The following BCAS3 variants were observed in gnomAD, a reference collection of about 807,000 sequenced individuals.
BCAS3 encodes the protein BCAS4/BCAS3 fusion.
BCAS3 carries 53 observed loss-of-function variants against 116.1 expected under a neutral mutation model. The observed-to-expected ratio is 0.46, with a 90% CI of 0.37 to 0.57. The LOEUF (loss-of-function observed/expected upper bound fraction) is 0.57. BCAS3 is among the 20% of genes least tolerant of loss of function. The pLI is 0.00. For synonymous variants in BCAS3, 391 were observed against 408.2 expected (o/e 0.96, Z 0.51); for missense variants, 917 against 1,165.4 (o/e 0.79, Z 3.10).
rs748676282 is a variant in BCAS3, at chr17:60,992,230, A to ACACACACACACACT, written c.1486+1996_1486+1997insACACACACACACTC. Among the ~76,000 whole-genome samples the ACACACACACACACT allele has an allele frequency of 5.5e-3, 808 of 147,112 alleles. 9 individuals carry two copies. Among genetic ancestry groups the ACACACACACACACT allele is most frequent in the African/African-American group, 0.02 (769 of 38,730 alleles). On this transcript the variant is annotated intron_variant, in intron 15 of 23. Coordinates refer to ENST00000407086, the MANE Select transcript of BCAS3 (RefSeq NM_017679.5). ...CACACACACACACACACACACACAC[A>ACACACACACACACT]CTCTGTAGGAAGCTTAAAGATAGAC...
rs1427118174 is a variant in BCAS3, at chr17:61,244,239, A to G, written c.2426-124088A>G. Among the ~76,000 whole-genome samples, 1 of 152,226 alleles carries G rather than the reference A, an allele frequency of 6.6e-6. No individual in the cohort carries two copies. Among genetic ancestry groups the G allele is most frequent in the Admixed American group, 6.5e-5 (1 of 15,274 alleles). Reference sequence around the variant, plus strand: ...ATTTCCTTACCTACAGTTAACAACTATTAACATTATGGTATTTATTAAGAT... The same window carrying G: ...ATTTCCTTACCTACAGTTAACAACTGTTAACATTATGGTATTTATTAAGAT... On this transcript the variant is annotated intron_variant, in intron 22 of 23. Transcript: ENST00000407086. The surrounding 1 kb of genome is among the most constrained non-coding windows in gnomAD (Gnocchi z 4.9).
intron 22 of BCAS3, among the ~76,000 whole-genome samples, chr17:61,236,054 A>T (rs1031622252): frequency 6.6e-6 from 1 of 152,218 alleles, no homozygotes; most frequent in African/African-American, 2.4e-5. Context: ...TTGCAGCTGG[A>T]TCTTCGTTTG....
intron 22 of BCAS3, among the ~76,000 whole-genome samples, chr17:61,187,957 A>AT (rs903635555): frequency 2.0e-5 from 3 of 151,674 alleles, no homozygotes; most frequent in Non-Finnish European, 4.4e-5. Context: ...TCATTAAGGT[A>AT]TTTTTTTTCT....
chr17:60,825,708 T>C (rs1359593101), intron 7 of BCAS3, among the ~76,000 whole-genome samples: 1 of 151,618 alleles, frequency 6.6e-6, no homozygotes, highest in African/African-American at 2.4e-5. Flanking sequence ...TGTCCTCACA[T>C]GGTGGAAGGG....
intron 7 of BCAS3, among the ~76,000 whole-genome samples, chr17:60,820,642 A>G (rs189882382): frequency 6.6e-6 from 1 of 152,338 alleles, no homozygotes; most frequent in African/African-American, 2.4e-5. Context: ...AGTTGTTTTA[A>G]TGCTAATTAA....
chr17:61,322,728 A>G (rs926598572), intron 22 of BCAS3, among the ~76,000 whole-genome samples: 4 of 152,000 alleles, frequency 2.6e-5, no homozygotes, highest in African/African-American at 9.7e-5. Context: ...AAAATTTGGC[A>G]GAAGTAAGCC....
In BCAS3 at chr17:61,186,886, A is replaced by G. The variant is rs1290567751; in HGVS notation, c.2425+102322A>G. The stretch of plus-strand genomic sequence containing the variant: ...CCACCATGTCCAGCTAATTTTTTGT[A>G]TTTTTAATAGAGACAGGGTTTCACC... On this transcript the variant is annotated intron_variant, in intron 22 of 23. Coordinates refer to ENST00000407086, the MANE Select transcript of BCAS3 (RefSeq NM_017679.5). This position sits in a 1 kb window ranked among gnomAD's most constrained non-coding sequence, Gnocchi z 4.9. 6.6e-6 allele frequency among the ~76,000 whole-genome samples: 1 copy of G among 151,956 alleles called. No individual in the cohort carries two copies. The highest frequency in any genetic ancestry group is 6.6e-5 in the Admixed American group (1 of 15,252).
intron 22 of BCAS3, among the ~76,000 whole-genome samples, chr17:61,085,010 T>C (rs1481301406): frequency 2.0e-5 from 3 of 152,220 alleles, no homozygotes; most frequent in African/African-American, 7.2e-5. Flanking sequence ...GCATCAAGTT[T>C]AAAAATTCAT....
chr17:61,386,964 C>T (rs1358937971), intron 23 of BCAS3, among the ~76,000 whole-genome samples: 2 of 152,170 alleles, frequency 1.3e-5, no homozygotes, highest in South Asian at 2.1e-4. Flanking sequence ...TTTTTGGACA[C>T]GGTTTTGCTG....
rs903443345 is a variant in BCAS3, at chr17:61,324,845, C to CA, written c.2426-43476dup. Among the ~76,000 whole-genome samples, 97 of 146,256 alleles carry CA rather than the reference C, an allele frequency of 6.6e-4. No individual in the cohort carries two copies. The highest frequency in any genetic ancestry group is 2.2e-3 in the African/African-American group (87 of 39,630). On this transcript the variant is annotated intron_variant, in intron 22 of 23. Transcript: ENST00000407086. The surrounding 1 kb of genome is among the most constrained non-coding windows in gnomAD (Gnocchi z 4.6). ...ATGAAAAAAAAAAAAAAAGAAGAAA[C>CA]AAAAAAGAAGATGTAGACTGTGTGA...
intron 21 of BCAS3, among the ~76,000 whole-genome samples, chr17:61,081,238 T>C (rs2072573761): frequency 1.3e-5 from 2 of 152,248 alleles, no homozygotes; most frequent in African/African-American, 4.8e-5. Context: ...TTTCTAGTGA[T>C]TGACCAGCTG....
chr17:61,099,176 G>A (rs780821234), intron 22 of BCAS3, among the ~76,000 whole-genome samples: 2 of 152,028 alleles, frequency 1.3e-5, no homozygotes, highest in Non-Finnish European at 2.9e-5. Context: ...TACCTTATAT[G>A]TAGCATGCTT....
At chr17:60,973,744 A>G (rs1199737444) in intron 14 of BCAS3, among the ~76,000 whole-genome samples, 1 of 151,716 alleles carries the variant, frequency 6.6e-6, no homozygotes, top group Non-Finnish European at 1.5e-5. Flanking sequence ...AGGCGCATGC[A>G]CCACACCCGG....
intron 22 of BCAS3, among the ~76,000 whole-genome samples, chr17:61,086,412 G>A (rs184042349): frequency 1.6e-4 from 24 of 152,282 alleles, no homozygotes; most frequent in Non-Finnish European, 2.2e-4. Flanking sequence ...TATTTATCAT[G>A]TAGCAATCTT....
intron 6 of BCAS3, among the ~76,000 whole-genome samples, chr17:60,806,302 C>G (rs1368358514): frequency 6.6e-6 from 1 of 152,168 alleles, no homozygotes; most frequent in Admixed American, 6.5e-5. Context: ...CTTCACATCT[C>G]TGGTGATTAA....
chr17:60,762,309 CTTCTAGGGTTTTT>C (rs1320418301), intron 6 of BCAS3, among the ~76,000 whole-genome samples: 2 of 152,112 alleles, frequency 1.3e-5, no homozygotes, highest in Admixed American at 6.6e-5. Flanking sequence ...CCTAGGTTTT[CTTCTAGGGTTTTT>C]ATGGTTTTAG....
chr17:60,901,215 A>G (rs1288476569), intron 10 of BCAS3, among the ~76,000 whole-genome samples: 1 of 151,130 alleles, frequency 6.6e-6, no homozygotes, highest in Non-Finnish European at 1.5e-5. Flanking sequence ...TGTCTCTTAA[A>G]AAAAAAAAAA....
At chr17:61,311,923 A>G (rs1974590) in intron 22 of BCAS3, among the ~76,000 whole-genome samples, 47,117 of 151,888 alleles carry the variant, frequency 0.31, 10,932 homozygotes, top group African/African-American at 0.66. Context: ...TATGACAGAA[A>G]GGATCTTGGC....
At chr17:60,779,370 CTTT>C (rs374528469) in intron 6 of BCAS3, among the ~76,000 whole-genome samples, 5 of 140,812 alleles carry the variant, frequency 3.6e-5, no homozygotes, top group Non-Finnish European at 4.7e-5. Context: ...TATTTTCTTT[CTTT>C]TTTTTTTTTT....
Sources: gnomAD v4.1 joint callset for allele counts (sites outside exome capture counted in the v4.1 genomes callset) on GRCh38, gnomAD v4.1.1 for gene constraint, Gnocchi (gnomAD v3.1) non-coding constraint, MANE v1.5 for transcripts, NCBI Gene and HGNC (gene_info 2026-07-23, HGNC 2026-07-21) for gene names.